ZBTB7C: variants seen among roughly 807,000 people sequenced by gnomAD.
ZBTB7C encodes the protein zinc finger and BTB domain-containing protein 7C.
ZBTB7C carries 8 observed loss-of-function variants against 25.7 expected under a neutral mutation model. The observed-to-expected ratio is 0.31, with a 90% CI of 0.18 to 0.56. The LOEUF is 0.56. ZBTB7C is among the 20% of genes least tolerant of loss of function. The pLI is 0.91. For synonymous variants in ZBTB7C, 394 were observed against 369.0 expected, an observed-to-expected ratio of 1.07 and a Z score of -0.78; for missense variants, 824 against 855.2, an observed-to-expected ratio of 0.96 and a Z score of 0.46.
intron 3 of ZBTB7C, among the ~76,000 whole-genome samples, chr18:48,052,093 T>C (rs1167935921): frequency 6.6e-6 from 1 of 152,176 alleles, no homozygotes; most frequent in African/African-American, 2.4e-5. Flanking sequence ...GATAATAAAA[T>C]AAATCACTCG....
At chr18:48,367,202 T>TATATATACACACAC (rs1302394192) in intron 1 of ZBTB7C, among the ~76,000 whole-genome samples, 22 of 63,378 alleles carry the variant, frequency 3.5e-4, no homozygotes, top group African/African-American at 1.2e-3. Context: ...TATATATATA[T>TATATATACACACAC]ACACACACAC....
intron 3 of ZBTB7C, among the ~76,000 whole-genome samples, chr18:48,065,335 TCA>T (rs561805409): frequency 1.1e-4 from 17 of 150,594 alleles, no homozygotes; most frequent in East Asian, 1.9e-4. Context: ...TCTCTCTCTC[TCA>T]CACACACACA....
At chr18:48,380,919 T>C (rs954344949) in intron 1 of ZBTB7C, among the ~76,000 whole-genome samples, 2 of 152,182 alleles carry the variant, frequency 1.3e-5, no homozygotes, top group African/African-American at 4.8e-5. Flanking sequence ...AAATAGTTTA[T>C]TTAAAAGAAA....
At chr18:48,330,574 G>C (rs1243299099) in intron 2 of ZBTB7C, among the ~76,000 whole-genome samples, 1 of 151,870 alleles carries the variant, frequency 6.6e-6, no homozygotes, top group African/African-American at 2.4e-5. Context: ...TGATGATGAT[G>C]ATGATGACAA....
intron 2 of ZBTB7C, among the ~76,000 whole-genome samples, chr18:48,296,087 C>A (rs1450480747): frequency 6.6e-6 from 1 of 152,242 alleles, no homozygotes; most frequent in Non-Finnish European, 1.5e-5. Context: ...GCTGCACCTC[C>A]CCCTGAAGAT....
intron 4 of ZBTB7C, among the ~76,000 whole-genome samples, chr18:48,034,008 T>C (rs2035866718): frequency 6.6e-6 from 1 of 152,206 alleles, no homozygotes; most frequent in Non-Finnish European, 1.5e-5. Context: ...TTCTGGAGTC[T>C]GTTTGGCTGG....
intron 2 of ZBTB7C, among the ~76,000 whole-genome samples, chr18:48,242,235 A>C (rs2043549833): frequency 6.6e-6 from 1 of 152,228 alleles, no homozygotes; most frequent in African/African-American, 2.4e-5. Context: ...GTCTAGGACA[A>C]GATGGATTCA....
At chr18:48,044,181 A>AGAT (rs1568172595) in intron 3 of ZBTB7C, among the ~76,000 whole-genome samples, 2 of 152,354 alleles carry the variant, frequency 1.3e-5, no homozygotes, top group Middle Eastern at 3.4e-3. Flanking sequence ...CTGGGGGCTC[A>AGAT]GATGGACCAT....
intron 2 of ZBTB7C, among the ~76,000 whole-genome samples, chr18:48,337,752 G>A (rs981734136): frequency 7.9e-5 from 12 of 152,190 alleles, no homozygotes; most frequent in Non-Finnish European, 1.2e-4. Flanking sequence ...AGGTCTCCAG[G>A]TCTATTCCTC....
At chr18:48,264,297 C>A (rs2144530334) in intron 2 of ZBTB7C, among the ~76,000 whole-genome samples, 1 of 152,260 alleles carries the variant, frequency 6.6e-6, no homozygotes, top group Middle Eastern at 3.4e-3. Context: ...TTTAAAATGA[C>A]CACAGAATGA....
intron 3 of ZBTB7C, chr18:48,165,341 C>G (rs2041206926): frequency 2.4e-6 from 1 of 415,180 alleles, no homozygotes; most frequent in Non-Finnish European, 4.9e-6. Context: ...CCTTCAGAGA[C>G]AATGAGTGTC....
At chr18:48,066,750 G>A (rs917951599) in intron 3 of ZBTB7C, among the ~76,000 whole-genome samples, 3 of 152,202 alleles carry the variant, frequency 2.0e-5, no homozygotes, top group Non-Finnish European at 4.4e-5. Flanking sequence ...CTCTCACTGT[G>A]TTGCCATTTG....
At chr18:48,226,757 A>T (rs2043106164) in intron 2 of ZBTB7C, among the ~76,000 whole-genome samples, 1 of 152,220 alleles carries the variant, frequency 6.6e-6, no homozygotes, top group South Asian at 2.1e-4. Context: ...GCAGTGGCTT[A>T]TGCCTGTAAT....
At chr18:48,382,418 G>GT (rs1220883370) in intron 1 of ZBTB7C, among the ~76,000 whole-genome samples, 6 of 152,176 alleles carry the variant, frequency 3.9e-5, no homozygotes, top group African/African-American at 1.4e-4. Flanking sequence ...TTTCCACTCT[G>GT]TTTTTGATAG....
In ZBTB7C at chr18:48,219,750, G is replaced by A. The variant is rs111281082; in HGVS notation, c.-78-33755C>T. Among the ~76,000 whole-genome samples, 971 of 152,324 alleles carry A rather than the reference G, an allele frequency of 6.4e-3. 15 individuals are homozygous for A. Among genetic ancestry groups the A allele is most frequent in the African/African-American group, 0.022 (924 of 41,564 alleles). Reference sequence around the variant, plus strand: ...CAAGGAGTCTTGCATGCTGCATCTCGCATCCTTGGCCAGAGGGGATCAGAG... The same window carrying A: ...CAAGGAGTCTTGCATGCTGCATCTCACATCCTTGGCCAGAGGGGATCAGAG... On this transcript the variant is annotated intron_variant, in intron 2 of 4. Coordinates refer to ENST00000590800, the MANE Select transcript of ZBTB7C (RefSeq NM_001318841.2).
intron 3 of ZBTB7C, among the ~76,000 whole-genome samples, chr18:48,066,887 A>C (rs2037350418): frequency 6.6e-6 from 1 of 152,174 alleles, no homozygotes; most frequent in South Asian, 2.1e-4. Flanking sequence ...GGATTGCCTG[A>C]GTTCAGGAGT....
intron 1 of ZBTB7C, among the ~76,000 whole-genome samples, chr18:48,384,409 A>G (rs541541653): frequency 1.3e-5 from 2 of 152,340 alleles, no homozygotes; most frequent in East Asian, 3.9e-4. Context: ...ATATAGAGGC[A>G]GGAAGAGACT....
At chr18:48,346,878 G>A (rs911466630) in intron 1 of ZBTB7C, among the ~76,000 whole-genome samples, 8 of 151,948 alleles carry the variant, frequency 5.3e-5, no homozygotes, top group East Asian at 1.9e-4. Flanking sequence ...TCTGCCTCCC[G>A]GGTTTAAGTG....
chr18:48,246,596 TGG>T (rs1057106392), intron 2 of ZBTB7C, among the ~76,000 whole-genome samples: 6 of 151,976 alleles, frequency 3.9e-5, no homozygotes, highest in African/African-American at 1.5e-4. Context: ...TGAGGTAGGA[TGG>T]GAAAAGGACT....
Sources: allele counts gnomAD v4.1 joint callset (sites outside exome capture counted in the v4.1 genomes callset), GRCh38; gene constraint gnomAD v4.1.1; transcripts MANE v1.5; gene names NCBI Gene and HGNC (gene_info 2026-07-23, HGNC 2026-07-21).